The following NDST4 variants were observed in gnomAD, a reference collection of about 807,000 sequenced individuals.
NDST4 encodes N-deacetylase and N-sulfotransferase 4.
Under a neutral mutation model 100.8 loss-of-function variants are expected in NDST4, and 63 were observed. The ratio of observed to expected loss-of-function variants is 0.62; its 90% CI spans 0.51 to 0.77. The LOEUF (loss-of-function observed/expected upper bound fraction) is 0.77, where lower values mean the gene tolerates loss of function less well. Ranked by LOEUF, NDST4 falls within the 30% of genes least tolerant of loss-of-function variation. NDST4 has a pLI of 0.00. For synonymous variants in NDST4, 377 were observed against 361.8 expected, an observed-to-expected ratio of 1.04 and a Z score of -0.48; for missense variants, 943 against 1,018.4, an observed-to-expected ratio of 0.93 and a Z score of 1.01.
intron 2 of NDST4, among the ~76,000 whole-genome samples, chr4:115,056,338 GT>G (rs1728694063): frequency 6.6e-6 from 1 of 152,112 alleles, no homozygotes; most frequent in Non-Finnish European, 1.5e-5. Context: ...GTGAGACCCT[GT>G]CTCAAAAACA....
intron 2 of NDST4, among the ~76,000 whole-genome samples, chr4:115,071,834 TA>T (rs1729084595): frequency 6.6e-6 from 1 of 151,978 alleles, no homozygotes; most frequent in Admixed American, 6.6e-5. Context: ...GTCCAAAAAA[TA>T]AAGTCAAAAA....
At chr4:114,907,012 C>T (rs908076111) in intron 6 of NDST4, among the ~76,000 whole-genome samples, 1 of 152,012 alleles carries the variant, frequency 6.6e-6, no homozygotes, top group Non-Finnish European at 1.5e-5. Flanking sequence ...AGTACTAACT[C>T]AGCTTAATCT....
At chr4:115,023,566 A>G (rs1727909206) in intron 2 of NDST4, among the ~76,000 whole-genome samples, 1 of 152,102 alleles carries the variant, frequency 6.6e-6, no homozygotes, top group Non-Finnish European at 1.5e-5. Context: ...AAAAAAATTA[A>G]TAAATCACAT....
Position 114,839,536 on chromosome 4 carries a change from G to A in NDST4, c.2128C>T (p.His710Tyr). ...AACCTCAGAGCAGCTGGATCTTCATGTGATCGTTGGTGCTTTAACAAGAAA... is the reference window on the plus strand; with the variant it reads ...AACCTCAGAGCAGCTGGATCTTCATATGATCGTTGGTGCTTTAACAAGAAA... The part of the protein sequence containing the change: ...AYSWYQHQRS[H>Y]EDPAALRFNF... Residue 710 changes from histidine (H) to tyrosine (Y), a missense_variant, in exon 11 of 14, where the codon CAT (histidine) becomes TAT (tyrosine). Coordinates refer to ENST00000264363, the MANE Select transcript of NDST4 (RefSeq NM_022569.3). The A allele has an allele frequency of 6.2e-7, 1 of 1,613,116 alleles. No individual in the cohort carries two copies. Among genetic ancestry groups the A allele is most frequent in the Non-Finnish European group, 8.5e-7 (1 of 1,179,510 alleles).
intron 5 of NDST4, among the ~76,000 whole-genome samples, chr4:114,935,698 C>T (rs1725614328): frequency 1.3e-5 from 2 of 152,176 alleles, no homozygotes; most frequent in South Asian, 2.1e-4. Context: ...TTACTCTCTT[C>T]ACTTCTGAAA....
At chr4:114,918,843 G>T (rs974264256) in intron 6 of NDST4, among the ~76,000 whole-genome samples, 2 of 152,152 alleles carry the variant, frequency 1.3e-5, no homozygotes, top group African/African-American at 4.8e-5. Context: ...CTCTCACTTT[G>T]TTCCTTGGAA....
chr4:114,847,575 ATAGAGC>A (rs1440449059), intron 9 of NDST4, among the ~76,000 whole-genome samples: 3 of 152,076 alleles, frequency 2.0e-5, no homozygotes, highest in African/African-American at 2.4e-5. Flanking sequence ...AAAAATTGGA[ATAGAGC>A]TAGAAAAAAT....
chr4:115,049,943 G>A (rs1245685858), intron 2 of NDST4, among the ~76,000 whole-genome samples: 1 of 152,108 alleles, frequency 6.6e-6, no homozygotes, highest in African/African-American at 2.4e-5. Context: ...TCCTTTTACA[G>A]ATGAAGACCT....
chr4:114,989,073 T>G (rs541411780), intron 2 of NDST4, among the ~76,000 whole-genome samples: 13 of 152,134 alleles, frequency 8.5e-5, no homozygotes, highest in Non-Finnish European at 1.5e-4. Flanking sequence ...CAGCCCTATT[T>G]AAAGTCTAAT....
At chr4:114,865,010 T>C (rs1723995407) in intron 7 of NDST4, among the ~76,000 whole-genome samples, 1 of 152,194 alleles carries the variant, frequency 6.6e-6, no homozygotes, top group Non-Finnish European at 1.5e-5. Context: ...GGTAGTCTCA[T>C]AGTAAAACTG....
chr4:114,945,055 C>T (rs1725831222), intron 4 of NDST4, among the ~76,000 whole-genome samples: 1 of 151,592 alleles, frequency 6.6e-6, no homozygotes, highest in Non-Finnish European at 1.5e-5. Context: ...ACTAAAAATA[C>T]AAAATTAGCT....
chr4:114,982,591 T>G (rs899341506), intron 2 of NDST4, among the ~76,000 whole-genome samples: 1 of 152,044 alleles, frequency 6.6e-6, no homozygotes, highest in Non-Finnish European at 1.5e-5. Context: ...AATGGGAACT[T>G]ATATTTAAAA....
chr4:114,999,602 C>A lies in NDST4; in HGVS notation c.979-22328G>T, dbSNP rs769222214. ...TTCCAAATAAAGAAGATTTGAAGCA[C>A]AATAACTGTAAATAAATAATAGCAT... On this transcript the variant is annotated intron_variant, in intron 2 of 13. Transcript: ENST00000264363. Among the ~76,000 whole-genome samples the A allele has an allele frequency of 1.4e-4, 21 of 152,016 alleles. 1 individual carries two copies. Among genetic ancestry groups the A allele is most frequent in the Admixed American group, 3.3e-4 (5 of 15,214 alleles).
Position 115,076,961 on chromosome 4 carries a change from T to G in NDST4, c.76A>C (p.Ile26Leu). 6.2e-7 allele frequency: 1 copy of G among 1,613,526 alleles called. No individual in the cohort carries two copies. The highest frequency in any genetic ancestry group is 8.5e-7 in the Non-Finnish European group (1 of 1,179,716). The change falls in exon 2 of 14, where the codon ATT becomes CTT. Residue 26 changes from isoleucine (I) to leucine (L), a missense_variant. Ile to Leu is a conservative substitution (Grantham distance 5). This residue lies in a region of NDST4 where 417 missense variants were observed against 384.2 expected (regional missense o/e 1.09). Coordinates refer to ENST00000264363, the MANE Select transcript of NDST4 (RefSeq NM_022569.3). ...VLLATFCLVS[I>L]VISAYFLYSG... The stretch of plus-strand genomic sequence containing the variant: ...TAGAGAAAATAGGCAGAAATGACAA[T>G]GCTCACCAAGCAAAAGGTAGCTAAG...
intron 2 of NDST4, among the ~76,000 whole-genome samples, chr4:114,998,439 T>C (rs1438194131): frequency 1.3e-5 from 2 of 152,106 alleles, no homozygotes; most frequent in Non-Finnish European, 2.9e-5. Flanking sequence ...GCTCACACTG[T>C]GCAACCCCAT....
At chr4:115,092,119 G>A (rs1418316009) in intron 1 of NDST4, among the ~76,000 whole-genome samples, 1 of 152,144 alleles carries the variant, frequency 6.6e-6, no homozygotes, top group Non-Finnish European at 1.5e-5. Flanking sequence ...TAGCCATAGA[G>A]CAAATATTGC....
intron 4 of NDST4, 142 bp downstream of exon 4, chr4:114,970,288 A>T: frequency 1.6e-6 from 1 of 644,170 alleles, no homozygotes; most frequent in South Asian, 3.0e-5. Context: ...ACAAAGTTAT[A>T]TGTACCCTCA....
chr4:115,021,789 CT>C (rs1560863795), intron 2 of NDST4, among the ~76,000 whole-genome samples: 1 of 149,342 alleles, frequency 6.7e-6, no homozygotes, highest in African/African-American at 2.5e-5. Flanking sequence ...ATATATATAC[CT>C]TCCACATCTA....
At position 114,881,432 on chromosome 4, in the gene NDST4, C is replaced by T. The variant is rs75383075; in HGVS notation, c.1537-10482G>A. 4.9e-3 allele frequency among the ~76,000 whole-genome samples: 745 copies of T among 152,072 alleles called. 30 individuals carry two copies. The East Asian group carries it at 0.097, about 20-fold the overall frequency. On this transcript the variant is annotated intron_variant, in intron 6 of 13. Transcript: ENST00000264363. ...CTGGATAGATACTGGAGCAATTTCA[C>T]CTAAATAGAGAACAATAAAGGGATG...
Sources: gnomAD v4.1 joint callset for allele counts (sites outside exome capture counted in the v4.1 genomes callset) on GRCh38, gnomAD v4.1.1 for gene constraint, gnomAD v4.1.1 regional missense constraint, MANE v1.5 for transcripts, NCBI Gene and HGNC (gene_info 2026-07-23, HGNC 2026-07-21) for gene names.